DDHD1: variants seen among roughly 807,000 people sequenced by gnomAD.
DDHD1 encodes phospholipase DDHD1.
A neutral mutation model predicts 96.4 loss-of-function variants in DDHD1; 49 were observed. That is an observed-to-expected ratio of 0.51 (90% confidence interval 0.40 to 0.64). The LOEUF is 0.64. Ranked by LOEUF, DDHD1 falls within the 30% of genes least tolerant of loss-of-function variation. The pLI is 0.00. For missense variants in DDHD1, 1,106 were observed against 1,161.2 expected, an observed-to-expected ratio of 0.95 and a Z score of 0.69; for synonymous variants, 442 against 446.5, an observed-to-expected ratio of 0.99 and a Z score of 0.13.
At chr14:53,105,166 T>G (rs1283035415) in intron 1 of DDHD1, among the ~76,000 whole-genome samples, 1 of 152,124 alleles carries the variant, frequency 6.6e-6, no homozygotes, top group African/African-American at 2.4e-5. Flanking sequence ...TAGTGATGTA[T>G]TTTCTCTTTG....
chr14:53,062,077 T>A (rs2139866546), intron 7 of DDHD1, among the ~76,000 whole-genome samples: 1 of 151,930 alleles, frequency 6.6e-6, no homozygotes, highest in African/African-American at 2.4e-5. Flanking sequence ...TTTCCATGCT[T>A]TTTTTTTCTT....
chr14:53,137,924 G>T (rs2139867708), intron 1 of DDHD1, among the ~76,000 whole-genome samples: 1 of 152,170 alleles, frequency 6.6e-6, no homozygotes, highest in East Asian at 1.9e-4. Context: ...AAAAAAAGCT[G>T]AAAGTTAGAA....
At position 53,044,514 on chromosome 14, in the gene DDHD1, C is replaced by A. The variant is rs1400926007; in HGVS notation, c.*2254G>T. The A allele has an allele frequency of 6.6e-6, 1 of 152,144 alleles. No individual in the cohort carries two copies. Among genetic ancestry groups the A allele is most frequent in the Admixed American group, 6.5e-5 (1 of 15,274 alleles). 9.4% of individuals were successfully genotyped at this position (152,144 alleles called of 1,614,324 possible). On this transcript the variant is annotated 3_prime_UTR_variant, in exon 13 of 13. Transcript: ENST00000673822. Reference sequence around the variant, plus strand: ...GTGTCATACCACCTACAGCAACATACGCTCAAGTACCTTTAACGATACAGT... The same window carrying A: ...GTGTCATACCACCTACAGCAACATAAGCTCAAGTACCTTTAACGATACAGT...
chr14:53,084,453 C>G (rs1382913461), intron 4 of DDHD1, among the ~76,000 whole-genome samples: 4 of 152,040 alleles, frequency 2.6e-5, no homozygotes, highest in Non-Finnish European at 5.9e-5. Context: ...TTCTCAGGTT[C>G]CTAGATATTC....
chr14:53,099,938 T>A (rs909197536), intron 2 of DDHD1, among the ~76,000 whole-genome samples: 5 of 152,114 alleles, frequency 3.3e-5, no homozygotes, highest in Non-Finnish European at 7.4e-5. Flanking sequence ...ATTTTCATGT[T>A]TTTTTTAATT....
intron 7 of DDHD1, chr14:53,061,470 A>T (rs1348260941): frequency 3.1e-6 from 1 of 320,048 alleles, no homozygotes; most frequent in Non-Finnish European, 5.6e-6. Context: ...ACAAGCACAT[A>T]TACATCTTTT....
At chr14:53,113,664 A>G (rs1207475348) in intron 1 of DDHD1, among the ~76,000 whole-genome samples, 2 of 152,172 alleles carry the variant, frequency 1.3e-5, no homozygotes, top group East Asian at 1.9e-4. Context: ...TCCGCCAGCC[A>G]AGGGAAGCCA....
chr14:53,061,186 T>G lies in DDHD1; in HGVS notation c.1782A>C (p.Glu594Asp), dbSNP rs756412105. The G allele has an allele frequency of 6.2e-7, 1 of 1,610,990 alleles. No homozygotes were observed. Among genetic ancestry groups the G allele is most frequent in the South Asian group, 1.1e-5 (1 of 90,396 alleles). The change falls in exon 8 of 13, where the codon GAA becomes GAC. Residue 594 changes from glutamate (E) to aspartate (D), a missense_variant. Glu to Asp is a conservative substitution (Grantham distance 45). This residue lies in a region of DDHD1 where 650 missense variants were observed against 758.8 expected (regional missense o/e 0.86). Transcript: ENST00000673822. ...YITKRRLKEI[E>D]ERLHGLKASS... ...ATGCTTTCAATCCGTGAAGCCGTTC[T>G]TCTATTTCCTTCAGCCTAAGAAGGG...
rs575716494 is a variant in DDHD1, at chr14:53,089,542, C to A, written c.1289+2243G>T. On this transcript the variant is annotated intron_variant, in intron 4 of 12. Transcript: ENST00000673822. ...TACAACCATCTGATCTTTGAGAAAC[C>A]TGACAAAAACAAGAAATGGGGAAAG... Among the ~76,000 whole-genome samples, 10 of 152,254 alleles carry A rather than the reference C, an allele frequency of 6.6e-5. No homozygotes were observed. In the East Asian group the frequency reaches 1.9e-3, roughly 29 times the overall value.
In DDHD1 at chr14:53,042,045, T is replaced by C. The variant is rs1225688971; in HGVS notation, c.*4723A>G. On this transcript the variant is annotated 3_prime_UTR_variant, in exon 13 of 13. Transcript: ENST00000673822. ...CTGTCATTCATTGGCCATGTGATTGTATAGGGTGGAATCGGTCACTTACAA... is the reference window on the plus strand; with the variant it reads ...CTGTCATTCATTGGCCATGTGATTGCATAGGGTGGAATCGGTCACTTACAA... The C allele has an allele frequency of 6.6e-6, 1 of 152,158 alleles. No homozygotes were observed. The highest frequency in any genetic ancestry group is 1.5e-5 in the Non-Finnish European group (1 of 68,028). 9.4% of individuals were successfully genotyped at this position (152,158 alleles called of 1,614,324 possible). A position where few individuals can be genotyped will look rare whatever the true frequency, so the allele number is the denominator to read the frequency against.
rs569116402 is a variant in DDHD1 at position 53,046,087 on chromosome 14, A to G, written c.*681T>C. The G allele has an allele frequency of 2.6e-5, 4 of 152,304 alleles. No individual in the cohort carries two copies. The highest frequency in any genetic ancestry group is 9.6e-5 in the African/African-American group (4 of 41,568). 9.4% of individuals were successfully genotyped at this position (152,304 alleles called of 1,614,324 possible). On this transcript the variant is annotated 3_prime_UTR_variant, in exon 13 of 13. Transcript: ENST00000673822. ...GCCACAGTGTCTATATATTCATCTG[A>G]AGAGTACAAAGATGGAGTTCTGAGA...
intron 7 of DDHD1, 66 bp downstream of exon 7, chr14:53,062,877 C>A (rs1883709210): frequency 6.6e-7 from 1 of 1,509,310 alleles, no homozygotes; most frequent in Non-Finnish European, 9.0e-7. Flanking sequence ...TCTTAGTTTT[C>A]TCGTAAGAGG....
intron 1 of DDHD1, among the ~76,000 whole-genome samples, chr14:53,107,332 A>G (rs1039590179): frequency 3.9e-5 from 6 of 152,156 alleles, no homozygotes; most frequent in Admixed American, 3.3e-4. Context: ...GCACTTCAAA[A>G]CCACCACAGT....
At chr14:53,090,727 T>C (rs1166708745) in intron 4 of DDHD1, among the ~76,000 whole-genome samples, 1 of 151,586 alleles carries the variant, frequency 6.6e-6, no homozygotes, top group Non-Finnish European at 1.5e-5. Flanking sequence ...CCCACTGGGG[T>C]GGGGGGATGG....
At chr14:53,121,174 GA>G (rs372752068) in intron 1 of DDHD1, among the ~76,000 whole-genome samples, 20 of 151,680 alleles carry the variant, frequency 1.3e-4, no homozygotes, top group Non-Finnish European at 1.6e-4. Context: ...CAAAAAACAT[GA>G]AAAAAAAGTT....
Position 53,091,996 on chromosome 14 carries a change from T to C in DDHD1, c.1142-64A>G, listed in dbSNP as rs980544114. The C allele has an allele frequency of 7.1e-5, 106 of 1,484,068 alleles. 1 individual carries two copies. The highest frequency in any genetic ancestry group is 1.5e-4 in the Admixed American group (7 of 46,376). 91.9% of individuals were successfully genotyped at this position (1,484,068 alleles called of 1,614,324 possible). A position where few individuals can be genotyped will look rare whatever the true frequency, so the allele number is the denominator to read the frequency against. ...TGAGAAATAGCATTTCCACAATATGTTAAAAGAAAAAAAAGAAGTAAAAGG... is the reference window on the plus strand; with the variant it reads ...TGAGAAATAGCATTTCCACAATATGCTAAAAGAAAAAAAAGAAGTAAAAGG... On this transcript the variant is annotated intron_variant, in intron 3 of 12. Coordinates refer to ENST00000673822, the MANE Select transcript of DDHD1 (RefSeq NM_001160148.2).
Position 53,075,501 on chromosome 14 carries a change from T to C in DDHD1, c.1290-1654A>G, listed in dbSNP as rs557643167. ...CGAAGAAAAGTTTGAAGCTAGCAGG[T>C]TGGTGCATGAGGTTTAAGGAAAGAA... is the stretch of plus-strand genomic sequence containing the variant. On this transcript the variant is annotated intron_variant, in intron 4 of 12. Coordinates refer to ENST00000673822, the MANE Select transcript of DDHD1 (RefSeq NM_001160148.2). 3.3e-5 allele frequency among the ~76,000 whole-genome samples: 5 copies of C among 152,162 alleles called. No homozygotes were observed. In the East Asian group the frequency reaches 9.6e-4, roughly 29 times the overall value.
At chr14:53,061,903 A>C (rs1053399329) in intron 7 of DDHD1, among the ~76,000 whole-genome samples, 1 of 151,934 alleles carries the variant, frequency 6.6e-6, no homozygotes, top group African/African-American at 2.4e-5. Flanking sequence ...GCGTGGTAGC[A>C]GTTGCCTGTA....
In DDHD1 at chr14:53,152,203, T is replaced by G; in HGVS notation, c.838+58A>C. 3.4e-6 allele frequency: 5 copies of G among 1,488,824 alleles called. No individual in the cohort carries two copies. The South Asian group carries it at 6.7e-5, about 20-fold the overall frequency. The allele number at this position is 1,488,824 out of a possible 1,614,324, so 92.2% of individuals were successfully genotyped here. On this transcript the variant is annotated intron_variant, in intron 1 of 12. Transcript: ENST00000673822. ...GCGACCAGTCCCAAACCCACACCGG[T>G]GCGCATCGGCCCATGCAGGGGCAGC...
Sources: gnomAD v4.1 joint callset for allele counts (sites outside exome capture counted in the v4.1 genomes callset) on GRCh38, gnomAD v4.1.1 for gene constraint, gnomAD v4.1.1 regional missense constraint, MANE v1.5 for transcripts, NCBI Gene and HGNC (gene_info 2026-07-23, HGNC 2026-07-21) for gene names.